NSL1: variants seen among roughly 807,000 people sequenced by gnomAD.
NSL1 encodes the protein NSL1 component of MIS12 kinetochore complex, also known as kinetochore-associated protein NSL1 homolog.
NSL1 carries 11 observed loss-of-function variants against 25.4 expected under a neutral mutation model. The observed-to-expected ratio is 0.43, with a 90% confidence interval of 0.27 to 0.72. The LOEUF (loss-of-function observed/expected upper bound fraction) is 0.72. Ranked by LOEUF, NSL1 falls within the 30% of genes least tolerant of loss-of-function variation. The pLI, the probability that NSL1 is intolerant of heterozygous loss-of-function variation, is 0.19. For synonymous variants in NSL1, 118 were observed against 120.6 expected (o/e 0.98, Z 0.14); for missense variants, 330 against 342.7 (o/e 0.96, Z 0.29).
In NSL1 at chr1:212,738,501, G is replaced by A; in HGVS notation, c.753C>T (p.Thr251=). ...GCTTTCTTTTCAGTACCATGTCAGAGGTTTTCCTGGAAGCAGTCTCTGTTG... is the reference window on the plus strand; with the variant it reads ...GCTTTCTTTTCAGTACCATGTCAGAAGTTTTCCTGGAAGCAGTCTCTGTTG... ...TTPTETASRK[T]SDMVLKRKQT... is the part of the protein sequence containing the mutation. The change falls in exon 6 of 6, where the codon ACC becomes ACT. Residue 251 remains threonine, a synonymous_variant. Coordinates refer to ENST00000366977, the MANE Select transcript of NSL1 (RefSeq NM_015471.4). 6.2e-7 allele frequency: 1 copy of A among 1,614,034 alleles called. No homozygotes were observed. Among genetic ancestry groups the A allele is most frequent in the East Asian group, 2.2e-5 (1 of 44,864 alleles).
chr1:212,781,159 G>A (rs1384387549), intron 4 of NSL1, among the ~76,000 whole-genome samples: 1 of 152,130 alleles, frequency 6.6e-6, no homozygotes, highest in Non-Finnish European at 1.5e-5. Context: ...GCTTACTTTT[G>A]AAGTCTGAAT....
At chr1:212,779,270 G>T (rs112834481) in intron 4 of NSL1, among the ~76,000 whole-genome samples, 2 of 141,822 alleles carry the variant, frequency 1.4e-5, no homozygotes, top group Non-Finnish European at 3.1e-5. Flanking sequence ...CAGCCGCCCC[G>T]TCTCGGAGGG....
chr1:212,745,584 A>G (rs1658753096), intron 4 of NSL1, among the ~76,000 whole-genome samples: 1 of 152,186 alleles, frequency 6.6e-6, no homozygotes, highest in African/African-American at 2.4e-5. Flanking sequence ...AAAGACTTCT[A>G]AAAAAATCTG....
At chr1:212,745,185 T>A (rs1221867939) in intron 4 of NSL1, among the ~76,000 whole-genome samples, 6 of 21,042 alleles carry the variant, frequency 2.9e-4, no homozygotes, top group Admixed American at 2.7e-4. Flanking sequence ...TATATATATA[T>A]ATATATATAT....
At chr1:212,789,921 T>C (rs761471120) in intron 1 of NSL1, among the ~76,000 whole-genome samples, 1 of 152,222 alleles carries the variant, frequency 6.6e-6, no homozygotes, top group Non-Finnish European at 1.5e-5. Flanking sequence ...ATCCCTATTC[T>C]TGCCTTGCTT....
At position 212,739,613 on chromosome 1, in the gene NSL1, T is replaced by A. The variant is rs377430572; in HGVS notation, c.500-12A>T. ...TTCCATATGAGGGGCTGCAAAAACATTGCCAAACAGTATTTTAGGTTTTTA... is the reference window on the plus strand; with the variant it reads ...TTCCATATGAGGGGCTGCAAAAACAATGCCAAACAGTATTTTAGGTTTTTA... On this transcript the variant is annotated splice_polypyrimidine_tract_variant and intron_variant, in intron 4 of 5. Transcript: ENST00000366977. The A allele has an allele frequency of 2.5e-6, 4 of 1,612,512 alleles. No homozygotes were observed. The highest frequency in any genetic ancestry group is 1.1e-5 in the South Asian group (1 of 90,904).
chr1:212,780,364 TGCGGAA>T (rs1208001534), intron 4 of NSL1, among the ~76,000 whole-genome samples: 5 of 151,644 alleles, frequency 3.3e-5, no homozygotes, highest in African/African-American at 1.2e-4. Flanking sequence ...ACACAAACAC[TGCGGAA>T]GGCCGCAGGG....
chr1:212,737,938 TA>T lies in NSL1; in HGVS notation c.*469del, dbSNP rs771958183. ...AATTTGATAAATCAAACTACATCTT[TA>T]AAAAAAAACCCTGCATCTGCTGCTG... On this transcript the variant is annotated 3_prime_UTR_variant, in exon 6 of 6. Coordinates refer to ENST00000366977, the MANE Select transcript of NSL1 (RefSeq NM_015471.4). 1.3e-4 allele frequency: 126 copies of T among 978,910 alleles called. No individual in the cohort carries two copies. The South Asian group carries it at 3.1e-3, about 24-fold the overall frequency. The allele number at this position is 978,910 out of a possible 1,614,324, so 60.6% of individuals were successfully genotyped here.
intron 4 of NSL1, among the ~76,000 whole-genome samples, chr1:212,743,864 C>A (rs1016703259): frequency 6.6e-6 from 1 of 152,076 alleles, no homozygotes; most frequent in African/African-American, 2.4e-5. Flanking sequence ...GGCAGTAATT[C>A]CCAGAGTGGG....
chr1:212,760,896 T>C lies in NSL1; in HGVS notation c.500-21295A>G, dbSNP rs563860470. ...CACCAGTGGGGCCCAAGAACAGGCC[T>C]GCCTGGAGTCCCCATCCCAAGTAAA... On this transcript the variant is annotated intron_variant, in intron 4 of 5. Transcript: ENST00000366977. This position sits in a 1 kb window ranked among gnomAD's most constrained non-coding sequence, Gnocchi z 4.3. Among the ~76,000 whole-genome samples the C allele has an allele frequency of 3.3e-4, 50 of 152,334 alleles. No individual in the cohort carries two copies. The highest frequency in any genetic ancestry group is 1.1e-3 in the African/African-American group (47 of 41,578).
At position 212,736,759 on chromosome 1, in the gene NSL1, A is replaced by T. The variant is rs1658247641; in HGVS notation, c.*1649T>A. The T allele has an allele frequency of 1.0e-6, 1 of 984,714 alleles. No homozygotes were observed. The highest frequency in any genetic ancestry group is 1.2e-6 in the Non-Finnish European group (1 of 829,248). 61.0% of individuals were successfully genotyped at this position (984,714 alleles called of 1,614,324 possible). A position where few individuals can be genotyped will look rare whatever the true frequency, so the allele number is the denominator to read the frequency against. ...AATATAGTCATTACACAGATTCAAC[A>T]TTAACAGGATTTTTGTCACATTTCC... is the stretch of plus-strand genomic sequence containing the variant. On this transcript the variant is annotated 3_prime_UTR_variant, in exon 6 of 6. Coordinates refer to ENST00000366977, the MANE Select transcript of NSL1 (RefSeq NM_015471.4).
At chr1:212,779,629 T>C (rs1307124526) in intron 4 of NSL1, among the ~76,000 whole-genome samples, 8 of 95,814 alleles carry the variant, frequency 8.3e-5, no homozygotes, top group African/African-American at 2.1e-4. Flanking sequence ...CCCCGCCCGG[T>C]CAGCTGCCCC....
At chr1:212,752,250 T>G (rs1015115179) in intron 4 of NSL1, among the ~76,000 whole-genome samples, 2 of 152,244 alleles carry the variant, frequency 1.3e-5, no homozygotes, top group Admixed American at 1.3e-4. Flanking sequence ...AACATATTTA[T>G]TTATTTATTT....
intron 4 of NSL1, among the ~76,000 whole-genome samples, chr1:212,768,359 A>AG (rs1659935803): frequency 6.7e-6 from 1 of 150,084 alleles, no homozygotes; most frequent in Non-Finnish European, 1.5e-5. Context: ...AAGCAGGACT[A>AG]CCATTCGATC....
At position 212,735,942 on chromosome 1, in the gene NSL1, G is replaced by A. The variant is rs1176948485; in HGVS notation, c.*2466C>T. ...CAGCCTGTGGTATTCTGTTATAGTAGCCTAAATAAACAAATGTAGATTTTG... is the reference window on the plus strand; with the variant it reads ...CAGCCTGTGGTATTCTGTTATAGTAACCTAAATAAACAAATGTAGATTTTG... On this transcript the variant is annotated 3_prime_UTR_variant, in exon 6 of 6. Coordinates refer to ENST00000366977, the MANE Select transcript of NSL1 (RefSeq NM_015471.4). 1 of 985,174 alleles carries A rather than the reference G, an allele frequency of 1.0e-6. No homozygotes were observed. The highest frequency in any genetic ancestry group is 6.1e-5 in the Admixed American group (1 of 16,278). The allele number at this position is 985,174 out of a possible 1,614,324, so 61.0% of individuals were successfully genotyped here. A position where few individuals can be genotyped will look rare whatever the true frequency, so the allele number is the denominator to read the frequency against.
Position 212,732,060 on chromosome 1 carries a change from T to G in NSL1, c.*6348A>C. The stretch of plus-strand genomic sequence containing the variant: ...TTTTTTTTTTTTACTGAATTCAGAT[T>G]CAGGGTTTTTATTATTATGGCTATA... On this transcript the variant is annotated 3_prime_UTR_variant, in exon 6 of 6. Coordinates refer to ENST00000366977, the MANE Select transcript of NSL1 (RefSeq NM_015471.4). 1 of 954,220 alleles carries G rather than the reference T, an allele frequency of 1.0e-6. No individual in the cohort carries two copies. The highest frequency in any genetic ancestry group is 1.2e-4 in the East Asian group (1 of 8,098). The allele number at this position is 954,220 out of a possible 1,614,324, so 59.1% of individuals were successfully genotyped here.
In NSL1 at chr1:212,736,531, T is replaced by C; in HGVS notation, c.*1877A>G. 1 of 984,410 alleles carries C rather than the reference T, an allele frequency of 1.0e-6. No homozygotes were observed. The allele number at this position is 984,410 out of a possible 1,614,324, so 61.0% of individuals were successfully genotyped here. ...TACACAGTATACTTATTCAATATTA[T>C]TACTGCTATTGGTCATGCTTTTCTT... On this transcript the variant is annotated 3_prime_UTR_variant, in exon 6 of 6. Coordinates refer to ENST00000366977, the MANE Select transcript of NSL1 (RefSeq NM_015471.4).
intron 4 of NSL1, among the ~76,000 whole-genome samples, chr1:212,770,546 G>C (rs1660055282): frequency 6.6e-6 from 1 of 152,026 alleles, no homozygotes; most frequent in South Asian, 2.1e-4. Context: ...GATTGAATCA[G>C]TAATAAAAAG....
rs557302098 is a variant in NSL1 at position 212,784,199 on chromosome 1, A to C, written c.444+164T>G. The C allele has an allele frequency of 1.1e-5, 5 of 449,394 alleles. No individual in the cohort carries two copies. In the South Asian group the frequency reaches 2.0e-4, roughly 18 times the overall value. The allele number at this position is 449,394 out of a possible 1,614,324, so 27.8% of individuals were successfully genotyped here. A position where few individuals can be genotyped will look rare whatever the true frequency, so the allele number is the denominator to read the frequency against. ...GTATAGTATGACTATACTATGTCAT[A>C]GTACAACTTAGAAGAGTAAAGTCTT... is the stretch of plus-strand genomic sequence containing the variant. On this transcript the variant is annotated intron_variant, in intron 3 of 5. Transcript: ENST00000366977.
Sources: allele counts gnomAD v4.1 joint callset (sites outside exome capture counted in the v4.1 genomes callset), GRCh38; gene constraint gnomAD v4.1.1; non-coding constraint Gnocchi (gnomAD v3.1); transcripts MANE v1.5; gene names NCBI Gene and HGNC (gene_info 2026-07-23, HGNC 2026-07-21).